L3MBTL4: variants seen among roughly 807,000 people sequenced by gnomAD.
The protein encoded by L3MBTL4 is L3MBTL histone methyl-lysine binding protein 4.
In L3MBTL4, 70 loss-of-function variants were observed where a neutral mutation model predicts 84.5. That is an observed-to-expected ratio of 0.83 (90% CI 0.68 to 1.01). The LOEUF is 1.01. Among genes scored for constraint, L3MBTL4 ranks in the 50% least tolerant of loss-of-function variants. The probability of loss-of-function intolerance (pLI) is 0.00; values close to 1 mark genes in which losing one functional copy is unlikely to be tolerated. For synonymous variants in L3MBTL4, 274 were observed against 259.8 expected, an observed-to-expected ratio of 1.05 and a Z score of -0.52; for missense variants, 715 against 754.8, an observed-to-expected ratio of 0.95 and a Z score of 0.62.
chr18:5,960,048 A>ATACG, intron 18 of L3MBTL4, 46 bp downstream of exon 18: 1 of 313,804 alleles, frequency 3.2e-6, no homozygotes, highest in African/African-American at 1.4e-4. Flanking sequence ...ACACACACAT[A>ATACG]TATATATATA....
At chr18:6,344,813 T>A (rs924225201) in intron 1 of L3MBTL4, among the ~76,000 whole-genome samples, 30 of 148,458 alleles carry the variant, frequency 2.0e-4, no homozygotes, top group Non-Finnish European at 2.1e-4. Flanking sequence ...AGAAAAAGCA[T>A]TTTTCATGAT....
intron 12 of L3MBTL4, among the ~76,000 whole-genome samples, chr18:6,191,727 A>G (rs2045102997): frequency 6.6e-6 from 1 of 152,154 alleles, no homozygotes; most frequent in South Asian, 2.1e-4. Context: ...AGTGGTTCAC[A>G]CTTATAATCC....
chr18:6,403,177 T>G (rs2055582495), intron 1 of L3MBTL4, among the ~76,000 whole-genome samples: 1 of 152,244 alleles, frequency 6.6e-6, no homozygotes, highest in African/African-American at 2.4e-5. Context: ...AAAACCTATT[T>G]ATGCTTCTCT....
chr18:5,993,129 A>G (rs1283706985), intron 16 of L3MBTL4, among the ~76,000 whole-genome samples: 1 of 152,216 alleles, frequency 6.6e-6, no homozygotes, highest in Non-Finnish European at 1.5e-5. Context: ...TTCTCTTTCC[A>G]GCGCTCACAC....
intron 5 of L3MBTL4, among the ~76,000 whole-genome samples, chr18:6,249,666 T>G (rs1599336084): frequency 6.6e-6 from 1 of 152,230 alleles, no homozygotes. Flanking sequence ...TGTTAAATGG[T>G]TTATTCATGA....
At chr18:6,232,859 ATAAC>A (rs1409765475) in intron 10 of L3MBTL4, among the ~76,000 whole-genome samples, 1 of 152,172 alleles carries the variant, frequency 6.6e-6, no homozygotes, top group Non-Finnish European at 1.5e-5. Context: ...GTCATAAAAA[ATAAC>A]TAACATATAT....
intron 14 of L3MBTL4, among the ~76,000 whole-genome samples, chr18:6,135,328 G>A (rs1324082318): frequency 6.6e-6 from 1 of 152,160 alleles, no homozygotes; most frequent in Non-Finnish European, 1.5e-5. Flanking sequence ...CCATGGTCTT[G>A]GGGATTATCA....
intron 13 of L3MBTL4, among the ~76,000 whole-genome samples, chr18:6,148,383 T>C (rs779238413): frequency 1.2e-4 from 18 of 152,228 alleles, no homozygotes; most frequent in Non-Finnish European, 2.1e-4. Flanking sequence ...ACAGAAGGGA[T>C]AAAATTGTGA....
At chr18:6,285,683 T>C (rs1410854152) in intron 4 of L3MBTL4, among the ~76,000 whole-genome samples, 4 of 151,974 alleles carry the variant, frequency 2.6e-5, no homozygotes, top group Non-Finnish European at 5.9e-5. Context: ...AGGCCAGTTT[T>C]ACCTGATGGA....
At chr18:6,016,578 C>G (rs964754553) in intron 16 of L3MBTL4, among the ~76,000 whole-genome samples, 1 of 152,126 alleles carries the variant, frequency 6.6e-6, no homozygotes, top group Non-Finnish European at 1.5e-5. Context: ...AAGAGACACA[C>G]CGAGTAGTGT....
intron 3 of L3MBTL4, among the ~76,000 whole-genome samples, chr18:6,308,249 C>G (rs867284644): frequency 1.3e-5 from 2 of 152,294 alleles, no homozygotes; most frequent in Middle Eastern, 3.4e-3. Context: ...AGATCATAAA[C>G]AGAGGTTTAC....
At position 6,355,797 on chromosome 18, in the gene L3MBTL4, C is replaced by A. The variant is rs17718398; in HGVS notation, c.-90-43741G>T. Among the ~76,000 whole-genome samples, 847 of 151,912 alleles carry A rather than the reference C, an allele frequency of 5.6e-3. 6 individuals are homozygous for A. Among genetic ancestry groups the A allele is most frequent in the Admixed American group, 1.0e-2 (152 of 15,220 alleles). On this transcript the variant is annotated intron_variant, in intron 1 of 18. Coordinates refer to ENST00000317931, the MANE Select transcript of L3MBTL4 (RefSeq NM_001330559.2). The stretch of plus-strand genomic sequence containing the variant: ...TGCTAGGTAAAGATAAACTTTAGCA[C>A]CCTCATTTTATCCTCATTTGAATTA...
At chr18:6,160,700 C>T (rs2043297547) in intron 13 of L3MBTL4, among the ~76,000 whole-genome samples, 1 of 144,018 alleles carries the variant, frequency 6.9e-6, no homozygotes, top group Admixed American at 7.1e-5. Context: ...CATTACACCC[C>T]AGCTTGGGTG....
intron 10 of L3MBTL4, among the ~76,000 whole-genome samples, chr18:6,232,313 A>T (rs1158129308): frequency 3.3e-5 from 5 of 152,098 alleles, no homozygotes; most frequent in African/African-American, 7.2e-5. Context: ...GGATTTTTGC[A>T]TCAGTGTTCC....
intron 16 of L3MBTL4, among the ~76,000 whole-genome samples, chr18:5,994,286 G>A (rs2053844240): frequency 6.6e-6 from 1 of 152,180 alleles, no homozygotes; most frequent in South Asian, 2.1e-4. Context: ...TGGAGGCTGG[G>A]CCTGTGTCCG....
At chr18:6,287,615 A>T (rs1044992570) in intron 4 of L3MBTL4, among the ~76,000 whole-genome samples, 1 of 152,188 alleles carries the variant, frequency 6.6e-6, no homozygotes. Flanking sequence ...CCCTCTCTAC[A>T]CTAAAAGGAA....
At chr18:6,034,827 A>T (rs1468182126) in intron 16 of L3MBTL4, among the ~76,000 whole-genome samples, 4 of 144,804 alleles carry the variant, frequency 2.8e-5, no homozygotes, top group African/African-American at 1.0e-4. Context: ...CTGACTTTTT[A>T]ATGATTGCCA....
Position 6,008,748 on chromosome 18 carries a change from G to C in L3MBTL4, c.1445-39186C>G, listed in dbSNP as rs560074395. On this transcript the variant is annotated intron_variant, in intron 16 of 18. Coordinates refer to ENST00000317931, the MANE Select transcript of L3MBTL4 (RefSeq NM_001330559.2). Reference sequence around the variant, plus strand: ...CCAGAGTATCACGGGTTTGGATTTTGTATAAATTCCTAAACTGCATACTGT... The same window carrying C: ...CCAGAGTATCACGGGTTTGGATTTTCTATAAATTCCTAAACTGCATACTGT... Among the ~76,000 whole-genome samples the C allele has an allele frequency of 1.8e-4, 28 of 152,284 alleles. 1 individual carries two copies. Among genetic ancestry groups the C allele is most frequent in the African/African-American group, 6.3e-4 (26 of 41,568 alleles).
chr18:6,031,181 C>A (rs778738591), intron 16 of L3MBTL4: 49 of 985,244 alleles, frequency 5.0e-5, no homozygotes, highest in Non-Finnish European at 5.9e-5. Context: ...CCTCCTCCCC[C>A]GTGGGAGTAG....
Sources: gnomAD v4.1 joint callset for allele counts (sites outside exome capture counted in the v4.1 genomes callset) on GRCh38, gnomAD v4.1.1 for gene constraint, MANE v1.5 for transcripts, NCBI Gene and HGNC (gene_info 2026-07-23, HGNC 2026-07-21) for gene names.